GEMIN2: variants seen among roughly 807,000 people sequenced by gnomAD.
GEMIN2 encodes the protein gem nuclear organelle associated protein 2.
A neutral mutation model predicts 45.8 loss-of-function variants in GEMIN2; 37 were observed. The observed-to-expected ratio is 0.81, with a 90% CI of 0.62 to 1.06. The LOEUF (loss-of-function observed/expected upper bound fraction) is 1.06. Among genes scored for constraint, GEMIN2 ranks in the 50% least tolerant of loss-of-function variants. GEMIN2 has a pLI of 0.00. For missense variants in GEMIN2, 335 were observed against 321.8 expected, an observed-to-expected ratio of 1.04 and a Z score of -0.31; for synonymous variants, 101 against 111.5, an observed-to-expected ratio of 0.91 and a Z score of 0.60.
chr14:39,129,947 T>TTG (rs2052695901), intron 7 of GEMIN2, among the ~76,000 whole-genome samples: 1 of 136,418 alleles, frequency 7.3e-6, no homozygotes, highest in Non-Finnish European at 1.5e-5. Context: ...TTTTTTTTTT[T>TTG]TTTTTTTTTT....
chr14:39,134,332 C>T (rs66488055), intron 9 of GEMIN2: 44,436 of 152,164 alleles, frequency 0.29, 7,635 homozygotes, highest in Non-Finnish European at 0.38. Context: ...AATTCTCCCC[C>T]CTCAGCCTCC....
At position 39,133,660 on chromosome 14, in the gene GEMIN2, G is replaced by C; in HGVS notation, c.712-1G>C. On this transcript the variant is annotated splice_acceptor_variant, in intron 8 of 9. Transcript: ENST00000308317. LOFTEE classifies it high-confidence loss of function. ...TTAAATTTTTCTTTTTTTTTTTTTA[G>C]GATAGCAAAGATGATGAGAGGGTTC... 7.0e-7 allele frequency: 1 copy of C among 1,429,910 alleles called. No homozygotes were observed. The highest frequency in any genetic ancestry group is 9.5e-7 in the Non-Finnish European group (1 of 1,053,498). The allele number at this position is 1,429,910 out of a possible 1,614,324, so 88.6% of individuals were successfully genotyped here.
chr14:39,133,026 G>A (rs9672086), intron 8 of GEMIN2, among the ~76,000 whole-genome samples: 162 of 132,330 alleles, frequency 1.2e-3, no homozygotes, highest in East Asian at 6.8e-3. Flanking sequence ...GTGTGTGTGT[G>A]TATATATATA....
intron 7 of GEMIN2, 135 bp from the exon 8 acceptor site, chr14:39,131,823 A>G (rs1453878941): frequency 7.0e-6 from 4 of 569,706 alleles, no homozygotes; most frequent in Non-Finnish European, 1.2e-5. Context: ...TTTCTTGTCT[A>G]TACCCAAACA....
chr14:39,129,492 CAGCCTCCACCTCCTGGTTTCA>C (rs1310952745), intron 7 of GEMIN2, among the ~76,000 whole-genome samples: 1 of 152,166 alleles, frequency 6.6e-6, no homozygotes, highest in Non-Finnish European at 1.5e-5. Flanking sequence ...CGGCTCACTG[CAGCCTCCACCTCCTGGTTTCA>C]AGTGATTCTC....
chr14:39,114,328 G>A lies in GEMIN2; in HGVS notation c.-11G>A. ...CGCATGCGCCGAGCGGAACTGGCTG[G>A]TTTGAAAACCATGGCGTGGGTACCA... On this transcript the variant is annotated 5_prime_UTR_variant, in exon 1 of 10. Coordinates refer to ENST00000308317, the MANE Select transcript of GEMIN2 (RefSeq NM_003616.3). The A allele has an allele frequency of 6.2e-7, 1 of 1,613,960 alleles. No individual in the cohort carries two copies. The highest frequency in any genetic ancestry group is 8.5e-7 in the Non-Finnish European group (1 of 1,179,910).
rs185904757 is a variant in GEMIN2, at chr14:39,115,554, T to G, written c.222+641T>G. Reference sequence around the variant, plus strand: ...TCACTGCAACCTCTGCCTTCCGGTTTCAAGCGATTACCGTGCCTCAGCCTC... The same window carrying G: ...TCACTGCAACCTCTGCCTTCCGGTTGCAAGCGATTACCGTGCCTCAGCCTC... On this transcript the variant is annotated intron_variant, in intron 2 of 9. Transcript: ENST00000308317. 7.4e-4 allele frequency among the ~76,000 whole-genome samples: 112 copies of G among 151,740 alleles called. 1 individual carries two copies. Among genetic ancestry groups the G allele is most frequent in the African/African-American group, 2.5e-3 (105 of 41,320 alleles).
intron 2 of GEMIN2, among the ~76,000 whole-genome samples, chr14:39,117,182 G>A (rs971995655): frequency 1.3e-5 from 2 of 150,328 alleles, no homozygotes; most frequent in Non-Finnish European, 2.9e-5. Context: ...TGAGGCAGGA[G>A]AATTGCTTGA....
intron 3 of GEMIN2, 131 bp from the exon 4 acceptor site, chr14:39,118,409 C>A: frequency 1.6e-6 from 1 of 624,880 alleles, no homozygotes. Flanking sequence ...AATACATGGT[C>A]TTTTACATCT....
At chr14:39,115,456 C>CT (rs35142656) in intron 2 of GEMIN2, among the ~76,000 whole-genome samples, 5,668 of 123,806 alleles carry the variant, frequency 0.046, 508 homozygotes, top group African/African-American at 0.14. Flanking sequence ...ATGTCTTACA[C>CT]TTTTTTTTTT....
rs747414717 is a variant in GEMIN2 at position 39,128,357 on chromosome 14, G to GCC, written c.600+10_600+11insCC. 1.3e-5 allele frequency: 20 copies of GCC among 1,505,322 alleles called. No individual in the cohort carries two copies. Among genetic ancestry groups the GCC allele is most frequent in the Admixed American group, 1.8e-5 (1 of 57,084 alleles). 93.2% of individuals were successfully genotyped at this position (1,505,322 alleles called of 1,614,324 possible). On this transcript the variant is annotated intron_variant, in intron 7 of 9. Coordinates refer to ENST00000308317, the MANE Select transcript of GEMIN2 (RefSeq NM_003616.3). ...ACTTTACTCCAGAATTGGTAGTATT[G>GCC]CATGTTTTTCTTTTCATAATGTAGG...
At chr14:39,130,455 CCTT>C (rs554854731) in intron 7 of GEMIN2, among the ~76,000 whole-genome samples, 171 of 152,186 alleles carry the variant, frequency 1.1e-3, no homozygotes, top group African/African-American at 3.8e-3. Flanking sequence ...ATCTGAAAAA[CCTT>C]GATGAATATA....
Position 39,118,331 on chromosome 14 carries a change from A to G in GEMIN2, c.313-209A>G, listed in dbSNP as rs542994127. Reference sequence around the variant, plus strand: ...GAACAGGTGGTTTTTGGTTACATGGATAAGTTCTTTAGTGGTGATTTCTGA... The same window carrying G: ...GAACAGGTGGTTTTTGGTTACATGGGTAAGTTCTTTAGTGGTGATTTCTGA... On this transcript the variant is annotated intron_variant, in intron 3 of 9. Coordinates refer to ENST00000308317, the MANE Select transcript of GEMIN2 (RefSeq NM_003616.3). 2.6e-5 allele frequency among the ~76,000 whole-genome samples: 4 copies of G among 152,204 alleles called. No individual in the cohort carries two copies. In the South Asian group the frequency reaches 6.2e-4, roughly 24 times the overall value.
intron 6 of GEMIN2, among the ~76,000 whole-genome samples, chr14:39,126,219 G>A (rs1255411855): frequency 8.4e-6 from 1 of 119,662 alleles, no homozygotes; most frequent in Non-Finnish European, 1.7e-5. Flanking sequence ...TCATTCTCTT[G>A]CCCATGCTGG....
intron 6 of GEMIN2, 121 bp from the exon 7 acceptor site, chr14:39,128,159 T>G (rs988269667): frequency 4.6e-6 from 3 of 657,016 alleles, no homozygotes; most frequent in Middle Eastern, 2.8e-4. Context: ...CTTTGAAAGT[T>G]TAAAGAATGA....
At chr14:39,116,700 T>C (rs2052512483) in intron 2 of GEMIN2, among the ~76,000 whole-genome samples, 1 of 152,324 alleles carries the variant, frequency 6.6e-6, no homozygotes, top group African/African-American at 2.4e-5. Flanking sequence ...GGTTTTTTAG[T>C]TGATGGACAT....
At chr14:39,125,131 GC>G (rs1202960583) in intron 6 of GEMIN2, 95 bp downstream of exon 6, 32 of 689,938 alleles carry the variant, frequency 4.6e-5, no homozygotes, top group African/African-American at 2.8e-4. Flanking sequence ...CTTACAGTAT[GC>G]AAGACTTTGT....
intron 4 of GEMIN2, among the ~76,000 whole-genome samples, chr14:39,120,688 C>G (rs923461616): frequency 6.6e-6 from 1 of 152,052 alleles, no homozygotes; most frequent in Non-Finnish European, 1.5e-5. Flanking sequence ...AGTGCAGTGG[C>G]ACAATCTTGG....
At chr14:39,130,704 G>GC (rs1322510980) in intron 7 of GEMIN2, among the ~76,000 whole-genome samples, 2 of 150,750 alleles carry the variant, frequency 1.3e-5, no homozygotes, top group Non-Finnish European at 3.0e-5. Flanking sequence ...CACCAGCCTG[G>GC]CCAACATGGT....
Sources: allele counts gnomAD v4.1 joint callset (sites outside exome capture counted in the v4.1 genomes callset), GRCh38; gene constraint gnomAD v4.1.1; transcripts MANE v1.5; gene names NCBI Gene and HGNC (gene_info 2026-07-23, HGNC 2026-07-21).